The following CTPS1 variants were observed in gnomAD, a reference collection of about 807,000 sequenced individuals.
CTPS1 encodes the protein CTP synthetase 1.
Under a neutral mutation model 80.5 loss-of-function variants are expected in CTPS1, and 25 were observed. The observed-to-expected ratio is 0.31, with a 90% CI of 0.23 to 0.43. CTPS1 has a LOEUF of 0.43. CTPS1 is among the 20% of genes least tolerant of loss of function. The probability of loss-of-function intolerance (pLI) is 1.00; values close to 1 mark genes in which losing one functional copy is unlikely to be tolerated. For missense variants in CTPS1, 442 were observed against 725.7 expected (o/e 0.61, Z 4.49); for synonymous variants, 267 against 252.5 (o/e 1.06, Z -0.54).
intron 9 of CTPS1, among the ~76,000 whole-genome samples, chr1:41,000,614 G>C (rs914818031): frequency 2.0e-5 from 3 of 151,952 alleles, no homozygotes; most frequent in African/African-American, 7.3e-5. Context: ...TAAAATGCTT[G>C]TATTTTATTG....
At chr1:41,005,996 CTA>C (rs1643023547) in intron 12 of CTPS1, 53 bp from the exon 13 acceptor site, 1 of 1,385,938 alleles carries the variant, frequency 7.2e-7, no homozygotes, top group African/African-American at 1.4e-5. Context: ...AGCAATGAAA[CTA>C]TTAATCACTT....
intron 18 of CTPS1, among the ~76,000 whole-genome samples, chr1:41,010,657 C>G (rs1012451498): frequency 6.6e-6 from 1 of 152,192 alleles, no homozygotes; most frequent in Non-Finnish European, 1.5e-5. Flanking sequence ...GGGACAGATA[C>G]AACAATGTGG....
intron 9 of CTPS1, among the ~76,000 whole-genome samples, chr1:40,998,547 T>C (rs149474963): frequency 2.0e-5 from 3 of 152,060 alleles, no homozygotes; most frequent in Non-Finnish European, 4.4e-5. Context: ...AAAGGGATGG[T>C]GATGGTGCCT....
At position 41,008,706 on chromosome 1, in the gene CTPS1, C is replaced by T. The variant is rs1643096342; in HGVS notation, c.1441C>T (p.Arg481Ter). 6.2e-7 allele frequency: 1 copy of T among 1,614,160 alleles called. No homozygotes were observed. Among genetic ancestry groups the T allele is most frequent in the Non-Finnish European group, 8.5e-7 (1 of 1,180,030 alleles). The change falls in exon 15 of 19, where the codon CGA (arginine) becomes TGA (stop). Residue 481 changes from arginine to a stop codon, truncating the protein, a stop_gained. Transcript: ENST00000650070. LOFTEE classifies it high-confidence loss of function. ...CTACTTGGAAGAGAGGCACCGCCAC[C>T]GATTTGAGGTGAGGATTCCAGCTTG... ...ADYLEERHRHRFEVNPVWKKC... is the reference protein window; with the variant it reads ...ADYLEERHRH
At position 40,996,080 on chromosome 1, in the gene CTPS1, A is replaced by G. The variant is rs750050175; in HGVS notation, c.872+12A>G. 32 of 1,613,970 alleles carry G rather than the reference A, an allele frequency of 2.0e-5. No homozygotes were observed. Among genetic ancestry groups the G allele is most frequent in the Non-Finnish European group, 2.6e-5 (31 of 1,179,888 alleles). On this transcript the variant is annotated intron_variant, in intron 8 of 18. Transcript: ENST00000650070. ...GAGATGGCTGACAGGTTTGCCTGCA[A>G]TGAGGAGCTGGGAGTGCTAGCCTCC...
chr1:41,011,597 T>A (rs1643174793), intron 18 of CTPS1, 61 bp from the exon 19 acceptor site: 1 of 152,190 alleles, frequency 6.6e-6, no homozygotes, highest in Non-Finnish European at 1.5e-5. Flanking sequence ...GACTAGAAAT[T>A]CTAACTTTTC....
At chr1:41,004,327 C>G (rs1642979231) in intron 12 of CTPS1, 1 of 152,388 alleles carries the variant, frequency 6.6e-6, no homozygotes, top group South Asian at 2.1e-4. Flanking sequence ...GTTTCATTCA[C>G]CCTTTCCCTG....
At chr1:41,003,037 C>CAT (rs377081513) in intron 11 of CTPS1, 77 bp from the exon 12 acceptor site, 16 of 1,412,172 alleles carry the variant, frequency 1.1e-5, no homozygotes, top group African/African-American at 5.6e-5. Context: ...ACACAAAGGC[C>CAT]ATTGCAGAGG....
rs994365431 is a variant in CTPS1, at chr1:40,993,360, T to G, written c.720+1515T>G. 2.0e-5 allele frequency among the ~76,000 whole-genome samples: 3 copies of G among 152,218 alleles called. No individual in the cohort carries two copies. In the East Asian group the frequency reaches 5.8e-4, roughly 29 times the overall value. On this transcript the variant is annotated intron_variant, in intron 7 of 18. Transcript: ENST00000650070. ...GCTACCACGCCTGGCCTTGCCTTTTTTTTTTAAGAGACAAGGTCTTGCTGT... is the reference window on the plus strand; with the variant it reads ...GCTACCACGCCTGGCCTTGCCTTTTGTTTTTAAGAGACAAGGTCTTGCTGT...
At chr1:41,000,767 C>T (rs1439904236) in intron 9 of CTPS1, 4 of 207,696 alleles carry the variant, frequency 1.9e-5, no homozygotes, top group Non-Finnish European at 2.9e-5. Flanking sequence ...CGATCCTGAA[C>T]ACAGTAGAGT....
chr1:40,984,723 T>C, intron 2 of CTPS1, 98 bp from the exon 3 acceptor site: 1 of 956,538 alleles, frequency 1.0e-6, no homozygotes, highest in Non-Finnish European at 1.5e-6. Context: ...ATTACGTAAT[T>C]GCACACCTTG....
At chr1:40,982,539 G>A (rs767586631) in intron 1 of CTPS1, among the ~76,000 whole-genome samples, 1 of 152,028 alleles carries the variant, frequency 6.6e-6, no homozygotes, top group Non-Finnish European at 1.5e-5. Context: ...ACAGGCGTGC[G>A]CCATCACAGC....
chr1:41,001,920 A>G (rs1236181577), intron 10 of CTPS1, among the ~76,000 whole-genome samples: 2 of 152,258 alleles, frequency 1.3e-5, no homozygotes, highest in African/African-American at 4.8e-5. Context: ...GCAGTATTAC[A>G]ATTATGTATA....
intron 1 of CTPS1, chr1:40,980,059 G>C (rs919271381): frequency 2.0e-5 from 3 of 151,104 alleles, no homozygotes; most frequent in South Asian, 2.1e-4. Context: ...CCTCGTGGCC[G>C]GGCGGCGCTG....
chr1:40,992,818 C>T lies in CTPS1; in HGVS notation c.720+973C>T, dbSNP rs577496929. ...AAGCGATTCTCCTACCTCAGCTTCC[C>T]GAGTAGCTTGGATTACAGGTGTGCA... On this transcript the variant is annotated intron_variant, in intron 7 of 18. Coordinates refer to ENST00000650070, the MANE Select transcript of CTPS1 (RefSeq NM_001905.4). Among the ~76,000 whole-genome samples, 42 of 151,308 alleles carry T rather than the reference C, an allele frequency of 2.8e-4. No homozygotes were observed. The East Asian group carries it at 3.3e-3, about 12-fold the overall frequency.
At chr1:41,010,429 G>A (rs1204216503) in intron 18 of CTPS1, among the ~76,000 whole-genome samples, 175 bp downstream of exon 18, 7 of 152,166 alleles carry the variant, frequency 4.6e-5, no homozygotes, top group Non-Finnish European at 8.8e-5. Flanking sequence ...GGTCATTGTG[G>A]GTATCAAATG....
At chr1:40,993,843 A>G (rs1642682193) in intron 7 of CTPS1, among the ~76,000 whole-genome samples, 1 of 125,046 alleles carries the variant, frequency 8.0e-6, no homozygotes, top group East Asian at 2.4e-4. Context: ...CAGTGGCATG[A>G]TCTTGGCTCA....
intron 7 of CTPS1, among the ~76,000 whole-genome samples, chr1:40,994,840 A>C (rs887637821): frequency 1.3e-5 from 2 of 152,162 alleles, no homozygotes; most frequent in Non-Finnish European, 2.9e-5. Flanking sequence ...CCTAATCTTA[A>C]TTTACCAATA....
Position 40,991,782 on chromosome 1 carries a change from A to G in CTPS1, c.657A>G (p.Ser219=). 6.2e-7 allele frequency: 1 copy of G among 1,614,024 alleles called. No individual in the cohort carries two copies. The highest frequency in any genetic ancestry group is 8.5e-7 in the Non-Finnish European group (1 of 1,179,878). Reference sequence around the variant, plus strand: ...ACTGCTAGGTTGTATGCAGGTGCTCAAATCCACTTGACACATCAGTGAAGG... The same window carrying G: ...ACTGCTAGGTTGTATGCAGGTGCTCGAATCCACTTGACACATCAGTGAAGG... ...LSPDLVVCRC[S]NPLDTSVKEK... is the part of the protein sequence containing the mutation. Residue 219 remains serine (S), a synonymous_variant, in exon 7 of 19, where the codon TCA becomes TCG. Transcript: ENST00000650070.
Sources: allele counts gnomAD v4.1 joint callset (sites outside exome capture counted in the v4.1 genomes callset), GRCh38; gene constraint gnomAD v4.1.1; transcripts MANE v1.5; gene names NCBI Gene and HGNC (gene_info 2026-07-23, HGNC 2026-07-21).